ALK: variants seen among roughly 807,000 people sequenced by gnomAD.
ALK encodes the protein ALK receptor tyrosine kinase.
Under a neutral mutation model 163.1 loss-of-function variants are expected in ALK, and 74 were observed. The observed-to-expected ratio is 0.45, with a 90% CI of 0.38 to 0.55. The LOEUF (loss-of-function observed/expected upper bound fraction) is 0.55. Among genes scored for constraint, ALK ranks in the 20% least tolerant of loss-of-function variants. The pLI is 0.00. For synonymous variants in ALK, 960 were observed against 843.2 expected (o/e 1.14, Z -2.40); for missense variants, 2,063 against 2,105.3 (o/e 0.98, Z 0.39).
At chr2:29,854,979 T>C (rs1214527932) in intron 1 of ALK, among the ~76,000 whole-genome samples, 1 of 152,190 alleles carries the variant, frequency 6.6e-6, no homozygotes, top group Non-Finnish European at 1.5e-5. Context: ...TTTACCCTCT[T>C]GACAAATTTT....
At chr2:29,290,074 CAG>C (rs1248152218) in intron 9 of ALK, among the ~76,000 whole-genome samples, 1 of 152,144 alleles carries the variant, frequency 6.6e-6, no homozygotes, top group Non-Finnish European at 1.5e-5. Flanking sequence ...CATAATGCCT[CAG>C]GGGATTTTGG....
At chr2:29,722,619 T>C (rs1233995381) in intron 1 of ALK, among the ~76,000 whole-genome samples, 3 of 152,348 alleles carry the variant, frequency 2.0e-5, no homozygotes, top group African/African-American at 7.2e-5. Flanking sequence ...ATTTTCTGCA[T>C]CTAAACTCTC....
rs1674552458 is a variant in ALK, at chr2:29,577,317, T to A, written c.953-45201A>T. On this transcript the variant is annotated intron_variant, in intron 3 of 28. Coordinates refer to ENST00000389048, the MANE Select transcript of ALK (RefSeq NM_004304.5). ...TCATATGGAAGTAAATAAAGATGCC[T>A]ACTTCAGATACGCTTAAAGCAGATG... Among the ~76,000 whole-genome samples the A allele has an allele frequency of 2.0e-5, 3 of 152,210 alleles. No individual in the cohort carries two copies. In the South Asian group the frequency reaches 6.2e-4, roughly 32 times the overall value.
intron 1 of ALK, among the ~76,000 whole-genome samples, chr2:29,874,652 T>C (rs1666658916): frequency 6.6e-6 from 1 of 152,166 alleles, no homozygotes; most frequent in African/African-American, 2.4e-5. Flanking sequence ...ATGAGACAAG[T>C]TTGCATAGAA....
At chr2:29,812,632 T>C (rs1664786499) in intron 1 of ALK, among the ~76,000 whole-genome samples, 1 of 152,238 alleles carries the variant, frequency 6.6e-6, no homozygotes, top group South Asian at 2.1e-4. Context: ...GTGAGTGTAC[T>C]GGTATAACCA....
intron 3 of ALK, among the ~76,000 whole-genome samples, chr2:29,679,461 C>T (rs1573549946): frequency 6.7e-6 from 1 of 149,404 alleles, no homozygotes; most frequent in East Asian, 1.9e-4. Context: ...TCTTTCTTTT[C>T]TCTCTGTTTC....
At chr2:29,573,325 T>C (rs1032751139) in intron 3 of ALK, among the ~76,000 whole-genome samples, 3 of 152,246 alleles carry the variant, frequency 2.0e-5, no homozygotes, top group Non-Finnish European at 2.9e-5. Flanking sequence ...ACCTGCTCTG[T>C]GCCAGCCACT....
At chr2:29,751,343 G>C (rs796203630) in intron 1 of ALK, among the ~76,000 whole-genome samples, 19 of 152,300 alleles carry the variant, frequency 1.2e-4, no homozygotes, top group African/African-American at 4.6e-4. Flanking sequence ...CGATGGCTAT[G>C]ACTTCAGCAC....
chr2:29,500,057 A>C (rs1375436297), intron 4 of ALK, among the ~76,000 whole-genome samples: 2 of 152,092 alleles, frequency 1.3e-5, no homozygotes, highest in Non-Finnish European at 2.9e-5. Context: ...ACGGCTCCTC[A>C]ACATGGCTCC....
chr2:29,809,299 A>C (rs1664694949), intron 1 of ALK, among the ~76,000 whole-genome samples: 1 of 152,254 alleles, frequency 6.6e-6, no homozygotes, highest in African/African-American at 2.4e-5. Flanking sequence ...TTTAATCCTC[A>C]AAACAGCCTT....
intron 3 of ALK, among the ~76,000 whole-genome samples, chr2:29,650,703 C>T (rs999072660): frequency 2.0e-5 from 3 of 152,192 alleles, no homozygotes; most frequent in South Asian, 2.1e-4. Flanking sequence ...TAACCATACC[C>T]GATGAGGTCT....
chr2:29,603,367 TTG>T, intron 3 of ALK, among the ~76,000 whole-genome samples: 1 of 152,276 alleles, frequency 6.6e-6, no homozygotes, highest in South Asian at 2.1e-4. Context: ...GAAATATATT[TTG>T]GGGTAAAATA....
intron 5 of ALK, among the ~76,000 whole-genome samples, chr2:29,366,821 ATTAG>A (rs1398924431): frequency 1.3e-5 from 2 of 152,254 alleles, no homozygotes; most frequent in African/African-American, 2.4e-5. Context: ...TTTACTCTAA[ATTAG>A]TTAGATTAAG....
At position 29,804,005 on chromosome 2, in the gene ALK, G is replaced by A. The variant is rs116529111; in HGVS notation, c.668-86308C>T. Among the ~76,000 whole-genome samples the A allele has an allele frequency of 3.9e-3, 595 of 152,300 alleles. 5 individuals carry two copies. Among genetic ancestry groups the A allele is most frequent in the African/African-American group, 0.013 (554 of 41,556 alleles). On this transcript the variant is annotated intron_variant, in intron 1 of 28. Coordinates refer to ENST00000389048, the MANE Select transcript of ALK (RefSeq NM_004304.5). Reference sequence around the variant, plus strand: ...CATAATATACATATGTTCAGTATTAGAAGCTGAATGAGAAAGACCAAGTCA... The same window carrying A: ...CATAATATACATATGTTCAGTATTAAAAGCTGAATGAGAAAGACCAAGTCA...
At chr2:29,224,064 C>T (rs531676738) in intron 19 of ALK, among the ~76,000 whole-genome samples, 2 of 152,334 alleles carry the variant, frequency 1.3e-5, no homozygotes, top group East Asian at 3.9e-4. Flanking sequence ...CCATGACTCC[C>T]AGGAATTGGC....
At chr2:29,578,476 A>G (rs896276072) in intron 3 of ALK, among the ~76,000 whole-genome samples, 1 of 152,174 alleles carries the variant, frequency 6.6e-6, no homozygotes, top group Non-Finnish European at 1.5e-5. Flanking sequence ...TGAAGTGCTG[A>G]TGCCGAAAGG....
At chr2:29,521,473 T>C (rs892260530) in intron 4 of ALK, among the ~76,000 whole-genome samples, 1 of 151,654 alleles carries the variant, frequency 6.6e-6, no homozygotes, top group African/African-American at 2.4e-5. Flanking sequence ...GTGTAGACTT[T>C]GTGAAGCCCT....
intron 3 of ALK, among the ~76,000 whole-genome samples, chr2:29,586,771 A>G (rs984062266): frequency 3.3e-5 from 5 of 152,242 alleles, no homozygotes; most frequent in African/African-American, 1.2e-4. Flanking sequence ...CACTTTCAAC[A>G]TCCAGGAACA....
intron 8 of ALK, among the ~76,000 whole-genome samples, chr2:29,297,623 A>G (rs1326942019): frequency 6.6e-6 from 1 of 152,226 alleles, no homozygotes; most frequent in Non-Finnish European, 1.5e-5. Context: ...GGCCAGACAA[A>G]AATCTACATA....
Sources: allele counts gnomAD v4.1 joint callset (sites outside exome capture counted in the v4.1 genomes callset), GRCh38; gene constraint gnomAD v4.1.1; transcripts MANE v1.5; gene names NCBI Gene and HGNC (gene_info 2026-07-23, HGNC 2026-07-21).